Variants in FHIT observed in about 807,000 individuals in gnomAD.
FHIT encodes the protein bis(5'-adenosyl)-triphosphatase.
FHIT carries 19 observed loss-of-function variants against 17.9 expected under a neutral mutation model. The observed-to-expected ratio is 1.06, with a 90% CI of 0.74 to 1.56. The LOEUF is 1.56. Among genes scored for constraint, FHIT ranks in the 40% most tolerant of loss-of-function variants. FHIT has a pLI of 0.00. For synonymous variants in FHIT, 81 were observed against 69.7 expected (o/e 1.16, Z -0.81); for missense variants, 248 against 189.2 (o/e 1.31, Z -1.82).
intron 8 of FHIT, among the ~76,000 whole-genome samples, chr3:59,900,916 G>C (rs776914924): frequency 6.6e-6 from 1 of 152,066 alleles, no homozygotes; most frequent in African/African-American, 2.4e-5. Flanking sequence ...GCCCGGCCAG[G>C]CCACACTGTT....
chr3:60,506,632 C>T (rs11720615), intron 5 of FHIT, among the ~76,000 whole-genome samples: 75,078 of 151,992 alleles, frequency 0.49, 19,131 homozygotes, highest in African/African-American at 0.62. Context: ...ATATAACACA[C>T]GGCCCTCCCA....
chr3:61,027,904 A>C (rs959162369), intron 3 of FHIT, among the ~76,000 whole-genome samples: 7 of 152,212 alleles, frequency 4.6e-5, no homozygotes, highest in Non-Finnish European at 2.9e-5. Flanking sequence ...ATAAACACAC[A>C]TGCAAGCATG....
chr3:61,031,506 A>G (rs2033008625), intron 3 of FHIT, among the ~76,000 whole-genome samples: 2 of 152,152 alleles, frequency 1.3e-5, no homozygotes. Flanking sequence ...AAATAGTTTC[A>G]ATTTTTTCTT....
intron 5 of FHIT, among the ~76,000 whole-genome samples, chr3:60,212,525 T>C (rs1425409368): frequency 6.6e-6 from 1 of 152,128 alleles, no homozygotes; most frequent in East Asian, 1.9e-4. Flanking sequence ...ATATAAGGTA[T>C]TTTCTCCAAA....
chr3:61,214,116 C>A (rs931060836), intron 1 of FHIT, among the ~76,000 whole-genome samples: 1 of 151,644 alleles, frequency 6.6e-6, no homozygotes, highest in African/African-American at 2.4e-5. Context: ...CAAGAGCAAA[C>A]GCATTCAAAA....
intron 2 of FHIT, among the ~76,000 whole-genome samples, chr3:61,156,610 T>C (rs1439317600): frequency 6.6e-6 from 1 of 152,170 alleles, no homozygotes; most frequent in Non-Finnish European, 1.5e-5. Flanking sequence ...GAAAATACCA[T>C]ACCCCTCCTC....
intron 4 of FHIT, among the ~76,000 whole-genome samples, chr3:60,666,703 C>T (rs1553692533): frequency 6.6e-6 from 1 of 152,104 alleles, no homozygotes; most frequent in Non-Finnish European, 1.5e-5. Flanking sequence ...GGATCTCCCT[C>T]TATCACCCAG....
Position 60,118,183 on chromosome 3 carries a change from C to T in FHIT, c.104-104031G>A, listed in dbSNP as rs566302558. On this transcript the variant is annotated intron_variant, in intron 5 of 9. Coordinates refer to ENST00000492590, the MANE Select transcript of FHIT (RefSeq NM_002012.4). Reference sequence around the variant, plus strand: ...GTGCAGTAGTGCAATAATGTCTCACCGTAGCCTCCAGTTTCTGGGTTCAAG... The same window carrying T: ...GTGCAGTAGTGCAATAATGTCTCACTGTAGCCTCCAGTTTCTGGGTTCAAG... 5.9e-5 allele frequency among the ~76,000 whole-genome samples: 9 copies of T among 152,102 alleles called. No homozygotes were observed. In the South Asian group the frequency reaches 6.2e-4, roughly 11 times the overall value.
At chr3:60,164,936 G>C (rs541414385) in intron 5 of FHIT, among the ~76,000 whole-genome samples, 1 of 152,126 alleles carries the variant, frequency 6.6e-6, no homozygotes, top group African/African-American at 2.4e-5. Context: ...AGATAACCCA[G>C]TTAGAAACAA....
intron 2 of FHIT, among the ~76,000 whole-genome samples, chr3:61,062,852 C>T (rs140401826): frequency 3.4e-4 from 52 of 152,314 alleles, no homozygotes; most frequent in African/African-American, 1.2e-3. Flanking sequence ...CTTCTTCTAG[C>T]TCCACGGGAT....
At chr3:59,845,644 T>C (rs1701691927) in intron 8 of FHIT, among the ~76,000 whole-genome samples, 1 of 152,150 alleles carries the variant, frequency 6.6e-6, no homozygotes, top group African/African-American at 2.4e-5. Flanking sequence ...GAAGACACTC[T>C]GTACAATGTC....
rs1017397131 is a variant in FHIT, at chr3:60,606,428, A to G, written c.-17-69449T>C. 3.3e-5 allele frequency among the ~76,000 whole-genome samples: 5 copies of G among 151,902 alleles called. No homozygotes were observed. The South Asian group carries it at 1.0e-3, about 32-fold the overall frequency. ...GGTAATTTTTTGTGTTTTAGTAGAG[A>G]TGGGGTTTCACCATGTTACCCAGGC... On this transcript the variant is annotated intron_variant, in intron 4 of 9. Coordinates refer to ENST00000492590, the MANE Select transcript of FHIT (RefSeq NM_002012.4).
intron 5 of FHIT, among the ~76,000 whole-genome samples, chr3:60,530,214 T>C (rs1176667707): frequency 6.6e-6 from 1 of 152,090 alleles, no homozygotes; most frequent in Non-Finnish European, 1.5e-5. Context: ...TGTACATACA[T>C]ATCCTCACCA....
intron 5 of FHIT, among the ~76,000 whole-genome samples, chr3:60,402,369 C>T (rs1701695760): frequency 6.6e-6 from 1 of 152,318 alleles, no homozygotes; most frequent in Admixed American, 6.5e-5. Flanking sequence ...TTGGATTCCA[C>T]TGTGGCCCCC....
intron 5 of FHIT, among the ~76,000 whole-genome samples, chr3:60,502,782 T>A (rs1014648648): frequency 1.3e-5 from 2 of 152,118 alleles, no homozygotes; most frequent in African/African-American, 4.8e-5. Flanking sequence ...TCACTTTAAA[T>A]TGGTGAATTG....
chr3:60,848,988 G>C (rs1553747456), intron 3 of FHIT, among the ~76,000 whole-genome samples: 1 of 151,912 alleles, frequency 6.6e-6, no homozygotes. Context: ...TTATAAATTT[G>C]GATATAACAT....
intron 2 of FHIT, among the ~76,000 whole-genome samples, chr3:61,106,738 G>A (rs1419835106): frequency 6.6e-6 from 1 of 152,132 alleles, no homozygotes; most frequent in Non-Finnish European, 1.5e-5. Flanking sequence ...TCAGCTCACT[G>A]CAACCTCCAC....
At chr3:60,860,797 A>G in intron 3 of FHIT, among the ~76,000 whole-genome samples, 1 of 6,620 alleles carries the variant, frequency 1.5e-4, no homozygotes, top group African/African-American at 2.2e-4. Context: ...TATATGATAC[A>G]TATGTACATA....
chr3:61,102,937 C>T (rs965425630), intron 2 of FHIT, among the ~76,000 whole-genome samples: 11 of 151,750 alleles, frequency 7.2e-5, no homozygotes, highest in African/African-American at 2.7e-4. Flanking sequence ...ATTTGATTCT[C>T]CTCTCTTTTC....
Sources: gnomAD v4.1 joint callset for allele counts (sites outside exome capture counted in the v4.1 genomes callset) on GRCh38, gnomAD v4.1.1 for gene constraint, MANE v1.5 for transcripts, NCBI Gene and HGNC (gene_info 2026-07-23, HGNC 2026-07-21) for gene names.